The following NRXN1 variants were observed in gnomAD, a reference collection of about 807,000 sequenced individuals.
NRXN1 encodes neurexin-1.
Under a neutral mutation model 150.9 loss-of-function variants are expected in NRXN1, and 39 were observed. The ratio of observed to expected loss-of-function variants is 0.26; its 90% CI spans 0.20 to 0.34. NRXN1 has a LOEUF of 0.34. NRXN1 is among the 10% of genes least tolerant of loss of function. The pLI is 1.00. For missense variants in NRXN1, 1,815 were observed against 1,949.9 expected, an observed-to-expected ratio of 0.93 and a Z score of 1.30; for synonymous variants, 924 against 757.0, an observed-to-expected ratio of 1.22 and a Z score of -3.62.
At chr2:50,598,964 G>A (rs1035383629) in intron 8 of NRXN1, among the ~76,000 whole-genome samples, 3 of 151,746 alleles carry the variant, frequency 2.0e-5, no homozygotes, top group African/African-American at 7.3e-5. Flanking sequence ...CAGAGACAGG[G>A]TTTCACCATG....
intron 2 of NRXN1, among the ~76,000 whole-genome samples, chr2:51,020,726 A>G (rs144950688): frequency 7.2e-4 from 110 of 152,126 alleles, no homozygotes; most frequent in African/African-American, 2.6e-3. Flanking sequence ...CAGAACATTG[A>G]TGGTGTTATT....
intron 2 of NRXN1, among the ~76,000 whole-genome samples, chr2:50,942,765 C>A (rs925829849): frequency 5.3e-5 from 8 of 152,034 alleles, no homozygotes; most frequent in African/African-American, 1.7e-4. Flanking sequence ...GGAGGAAGAA[C>A]CTTGCCTTGT....
At chr2:50,045,913 C>G (rs1194693982) in intron 21 of NRXN1, among the ~76,000 whole-genome samples, 1 of 152,172 alleles carries the variant, frequency 6.6e-6, no homozygotes, top group African/African-American at 2.4e-5. Flanking sequence ...CCAATCTAGT[C>G]TAACTCACAG....
At chr2:51,022,029 C>T (rs997708974) in intron 2 of NRXN1, among the ~76,000 whole-genome samples, 1 of 152,006 alleles carries the variant, frequency 6.6e-6, no homozygotes, top group Non-Finnish European at 1.5e-5. Context: ...GAAACAGAGG[C>T]TCGTTGTCTT....
At chr2:50,171,697 T>A (rs2060040968) in intron 18 of NRXN1, among the ~76,000 whole-genome samples, 1 of 152,170 alleles carries the variant, frequency 6.6e-6, no homozygotes, top group African/African-American at 2.4e-5. Flanking sequence ...TATAATTCTT[T>A]ATTAGAAGAA....
At chr2:50,246,959 T>A (rs2066557979) in intron 17 of NRXN1, among the ~76,000 whole-genome samples, 1 of 152,096 alleles carries the variant, frequency 6.6e-6, no homozygotes, top group African/African-American at 2.4e-5. Flanking sequence ...TACTAATTAT[T>A]AATAATGACT....
At chr2:50,019,445 C>G (rs901654382) in intron 21 of NRXN1, among the ~76,000 whole-genome samples, 4 of 150,024 alleles carry the variant, frequency 2.7e-5, no homozygotes, top group Non-Finnish European at 5.9e-5. Flanking sequence ...GAGTTCAAGA[C>G]CAGCCTGCCC....
intron 21 of NRXN1, among the ~76,000 whole-genome samples, chr2:49,946,738 A>G (rs1040888215): frequency 9.9e-5 from 15 of 152,120 alleles, no homozygotes; most frequent in African/African-American, 3.4e-4. Flanking sequence ...GGAACCAAAA[A>G]AGAGCCCATA....
rs200115885 is a variant in NRXN1 at position 51,009,929 on chromosome 2, TA to T, written c.772+17572del. ...TTCAATCTGACACACGAGACCAAGT[TA>T]AAAAAAAAATCCTTAGAATTATACA... On this transcript the variant is annotated intron_variant, in intron 2 of 22. Transcript: ENST00000401669. 4.0e-3 allele frequency among the ~76,000 whole-genome samples: 593 copies of T among 149,912 alleles called. 3 individuals are homozygous for T. Among genetic ancestry groups the T allele is most frequent in the African/African-American group, 0.012 (483 of 41,006 alleles).
At chr2:50,796,057 A>G (rs1322625604) in intron 5 of NRXN1, among the ~76,000 whole-genome samples, 4 of 152,130 alleles carry the variant, frequency 2.6e-5, no homozygotes, top group African/African-American at 9.7e-5. Flanking sequence ...ATGCTGCTTT[A>G]GTTTCCTCAG....
chr2:50,012,597 T>C (rs1204873783), intron 21 of NRXN1, among the ~76,000 whole-genome samples: 1 of 152,144 alleles, frequency 6.6e-6, no homozygotes, highest in African/African-American at 2.4e-5. Context: ...TGATAATTTT[T>C]CACCAAGGAA....
chr2:50,823,469 T>A (rs1208181932), intron 5 of NRXN1, among the ~76,000 whole-genome samples: 1 of 152,138 alleles, frequency 6.6e-6, no homozygotes, highest in Non-Finnish European at 1.5e-5. Context: ...CTCCATAAAT[T>A]CTGGTGAATC....
intron 17 of NRXN1, among the ~76,000 whole-genome samples, chr2:50,376,760 C>G (rs745988800): frequency 2.0e-5 from 3 of 151,998 alleles, no homozygotes; most frequent in Non-Finnish European, 4.4e-5. Context: ...AGAGTCAGAG[C>G]TAGGATAAAG....
At chr2:50,551,350 A>G (rs562621041) in intron 9 of NRXN1, 2 of 152,366 alleles carry the variant, frequency 1.3e-5, no homozygotes, top group Admixed American at 6.5e-5. Flanking sequence ...GGTAAAAAAC[A>G]TATTTCCAAA....
chr2:50,603,217 G>A (rs1676558707), intron 8 of NRXN1, among the ~76,000 whole-genome samples: 1 of 152,162 alleles, frequency 6.6e-6, no homozygotes. Flanking sequence ...AACATCATGT[G>A]TTTTGATCAT....
At chr2:50,105,791 G>C (rs997253289) in intron 18 of NRXN1, among the ~76,000 whole-genome samples, 1 of 151,806 alleles carries the variant, frequency 6.6e-6, no homozygotes, top group Non-Finnish European at 1.5e-5. Flanking sequence ...AGTAAATATA[G>C]ATCTGAATTT....
chr2:50,958,067 C>T (rs368875729), intron 2 of NRXN1, among the ~76,000 whole-genome samples: 4 of 152,156 alleles, frequency 2.6e-5, no homozygotes, highest in Admixed American at 6.6e-5. Context: ...ATTTGTCTTG[C>T]GCAATTGTCT....
chr2:50,825,393 A>G (rs1381968768), intron 5 of NRXN1, among the ~76,000 whole-genome samples: 1 of 152,162 alleles, frequency 6.6e-6, no homozygotes, highest in Non-Finnish European at 1.5e-5. Context: ...AGAGGGTTAA[A>G]ACTTTCAGCC....
At chr2:50,706,166 G>A (rs1463916239) in intron 5 of NRXN1, among the ~76,000 whole-genome samples, 1 of 151,990 alleles carries the variant, frequency 6.6e-6, no homozygotes. Context: ...AAAAACTATG[G>A]TTACTGCCTT....
Sources: allele counts gnomAD v4.1 joint callset (sites outside exome capture counted in the v4.1 genomes callset), GRCh38; gene constraint gnomAD v4.1.1; transcripts MANE v1.5; gene names NCBI Gene and HGNC (gene_info 2026-07-23, HGNC 2026-07-21).